The following ABCC2 variants were observed in gnomAD, a reference collection of about 807,000 sequenced individuals.
ABCC2 encodes ATP-binding cassette sub-family C member 2.
A neutral mutation model predicts 173.4 loss-of-function variants in ABCC2; 157 were observed. The observed-to-expected ratio is 0.91, with a 90% CI of 0.80 to 1.03. The LOEUF (loss-of-function observed/expected upper bound fraction) is 1.03, where lower values mean the gene tolerates loss of function less well. ABCC2 is among the 50% of genes least tolerant of loss of function. The probability of loss-of-function intolerance (pLI) is 0.00; values close to 1 mark genes in which losing one functional copy is unlikely to be tolerated. For missense variants in ABCC2, 1,822 were observed against 1,852.3 expected (o/e 0.98, Z 0.30); for synonymous variants, 657 against 693.5 (o/e 0.95, Z 0.83).
intron 18 of ABCC2, 47 bp from the exon 19 acceptor site, chr10:99,819,042 G>C: frequency 1.2e-6 from 2 of 1,612,756 alleles, no homozygotes; most frequent in Non-Finnish European, 1.7e-6. Context: ...AGACAGGGAA[G>C]ATGGTGGACA....
At chr10:99,835,737 T>C (rs184180808) in intron 24 of ABCC2, among the ~76,000 whole-genome samples, 72 of 152,272 alleles carry the variant, frequency 4.7e-4, no homozygotes, top group African/African-American at 1.5e-3. Context: ...TTTGGGGACC[T>C]TTTCTCTAAT....
At chr10:99,819,039 G>A (rs778159228) in intron 18 of ABCC2, 50 bp from the exon 19 acceptor site, 10 of 1,612,620 alleles carry the variant, frequency 6.2e-6, no homozygotes, top group East Asian at 4.5e-5. Flanking sequence ...GTAAGACAGG[G>A]AAGATGGTGG....
intron 14 of ABCC2, among the ~76,000 whole-genome samples, chr10:99,810,510 A>C (rs2038191409): frequency 6.6e-6 from 1 of 152,220 alleles, no homozygotes; most frequent in Non-Finnish European, 1.5e-5. Flanking sequence ...TGGGATTGGG[A>C]AGGTAGCCTG....
chr10:99,838,676 C>CG (rs1481762632), intron 25 of ABCC2, among the ~76,000 whole-genome samples: 1 of 3,538 alleles, frequency 2.8e-4, no homozygotes, highest in African/African-American at 1.4e-3. Flanking sequence ...GCTGGCCGGG[C>CG]GGGGGGCTGA....
At chr10:99,847,256 T>C (rs1437623263) in intron 30 of ABCC2, 129 bp downstream of exon 30, 8 of 1,093,058 alleles carry the variant, frequency 7.3e-6, no homozygotes, top group Non-Finnish European at 9.6e-6. Context: ...AAGTGTAAAA[T>C]GAACCTGTTG....
intron 19 of ABCC2, among the ~76,000 whole-genome samples, chr10:99,826,281 G>A (rs1429917080): frequency 1.3e-5 from 2 of 152,082 alleles, no homozygotes; most frequent in Non-Finnish European, 2.9e-5. Flanking sequence ...TCCATCACAG[G>A]CTTTTACATA....
At chr10:99,818,339 C>G (rs1003848588) in intron 17 of ABCC2, among the ~76,000 whole-genome samples, 1 of 152,192 alleles carries the variant, frequency 6.6e-6, no homozygotes, top group Admixed American at 6.5e-5. Context: ...TCCTCCCTCC[C>G]CATTACTAGA....
rs1166081429 is a variant in ABCC2, at chr10:99,814,646, T to C, written c.2094+1502T>C. 2.2e-3 allele frequency among the ~76,000 whole-genome samples: 268 copies of C among 120,704 alleles called. 58 individuals carry two copies. The highest frequency in any genetic ancestry group is 0.01 in the African/African-American group (254 of 24,932). The allele number at this position is 120,704 out of a possible 152,430, so 79.2% of individuals were successfully genotyped here. ...ATACACACATATGTGTATATACACA[T>C]ATACACACACATATGTGTATATACA... On this transcript the variant is annotated intron_variant, in intron 16 of 31. Transcript: ENST00000647814.
intron 27 of ABCC2, among the ~76,000 whole-genome samples, 189 bp from the exon 28 acceptor site, chr10:99,844,133 T>C (rs1199935962): frequency 6.6e-6 from 1 of 152,184 alleles, no homozygotes; most frequent in Admixed American, 6.5e-5. Flanking sequence ...TCATGGTGTA[T>C]TTTTCTTTAA....
At chr10:99,845,066 A>T (rs548728740) in intron 28 of ABCC2, among the ~76,000 whole-genome samples, 1 of 151,912 alleles carries the variant, frequency 6.6e-6, no homozygotes, top group Non-Finnish European at 1.5e-5. Context: ...GTCTCACTCT[A>T]TCACCCAGGC....
intron 16 of ABCC2, among the ~76,000 whole-genome samples, chr10:99,813,375 A>G (rs749266239): frequency 9.2e-5 from 14 of 152,216 alleles, no homozygotes; most frequent in Non-Finnish European, 1.9e-4. Flanking sequence ...TCTCATACGC[A>G]TACTACAGTG....
At chr10:99,846,891 C>T (rs2039025381) in intron 29 of ABCC2, 70 bp from the exon 30 acceptor site, 1 of 1,591,004 alleles carries the variant, frequency 6.3e-7, no homozygotes, top group Admixed American at 1.7e-5. Context: ...CACCATCTCC[C>T]AGTCCTGAGG....
At chr10:99,787,029 G>A (rs1007199460) in intron 2 of ABCC2, among the ~76,000 whole-genome samples, 3 of 150,796 alleles carry the variant, frequency 2.0e-5, no homozygotes, top group Non-Finnish European at 4.4e-5. Context: ...TTAGCCTGGT[G>A]CAGTGGCACA....
intron 16 of ABCC2, among the ~76,000 whole-genome samples, chr10:99,815,721 A>C (rs2038396593): frequency 6.6e-6 from 1 of 152,114 alleles, no homozygotes. Context: ...TGCTTCCTCC[A>C]ATTGATTTAT....
intron 7 of ABCC2, chr10:99,797,873 C>G (rs1464050323): frequency 5.7e-6 from 1 of 175,368 alleles, no homozygotes; most frequent in Non-Finnish European, 1.2e-5. Context: ...GACATCTGAA[C>G]AGACACTCAA....
At chr10:99,828,919 G>C (rs183858887) in intron 19 of ABCC2, among the ~76,000 whole-genome samples, 1 of 151,596 alleles carries the variant, frequency 6.6e-6, no homozygotes, top group East Asian at 1.9e-4. Flanking sequence ...CATGTGCACA[G>C]CTCTGCATGT....
chr10:99,796,012 T>C (rs1229155831), intron 6 of ABCC2, among the ~76,000 whole-genome samples: 1 of 151,896 alleles, frequency 6.6e-6, no homozygotes, highest in South Asian at 2.1e-4. Flanking sequence ...TAAACATATA[T>C]ATAATTTATT....
At chr10:99,825,304 T>TGA (rs1197819984) in intron 19 of ABCC2, among the ~76,000 whole-genome samples, 1 of 152,268 alleles carries the variant, frequency 6.6e-6, no homozygotes, top group Non-Finnish European at 1.5e-5. Flanking sequence ...GATACACTTC[T>TGA]GAGGCTGTGC....
intron 18 of ABCC2, 46 bp downstream of exon 18, chr10:99,819,003 G>A (rs886644667): frequency 2.5e-6 from 4 of 1,609,978 alleles, no homozygotes; most frequent in Non-Finnish European, 3.4e-6. Context: ...TGGGGTGGGA[G>A]GGAGAGGGGA....
Sources: allele counts gnomAD v4.1 joint callset (sites outside exome capture counted in the v4.1 genomes callset), GRCh38; gene constraint gnomAD v4.1.1; transcripts MANE v1.5; gene names NCBI Gene and HGNC (gene_info 2026-07-23, HGNC 2026-07-21).